Variants in SLC45A4 observed in about 807,000 individuals in gnomAD.
The protein encoded by SLC45A4 is polyamine-transporter SLC45A4.
Under a neutral mutation model 63.7 loss-of-function variants are expected in SLC45A4, and 32 were observed. That is an observed-to-expected ratio of 0.50 (90% CI 0.38 to 0.67). SLC45A4 has a LOEUF of 0.67. Ranked by LOEUF, SLC45A4 falls within the 30% of genes least tolerant of loss-of-function variation. The probability of loss-of-function intolerance (pLI) is 0.00; values close to 1 mark genes in which losing one functional copy is unlikely to be tolerated. For missense variants in SLC45A4, 1,027 were observed against 1,157.7 expected, an observed-to-expected ratio of 0.89 and a Z score of 1.64; for synonymous variants, 535 against 510.0, an observed-to-expected ratio of 1.05 and a Z score of -0.66.
chr8:141,300,329 C>A (rs763107392), intron 1 of SLC45A4, among the ~76,000 whole-genome samples: 1 of 152,190 alleles, frequency 6.6e-6, no homozygotes, highest in Non-Finnish European at 1.5e-5. Context: ...CAGTCCTCAG[C>A]GTGCTGTTTC....
chr8:141,212,642 G>A, intron 7 of SLC45A4, 86 bp from the exon 8 acceptor site: 1 of 1,435,498 alleles, frequency 7.0e-7, no homozygotes, highest in Non-Finnish European at 9.2e-7. Context: ...TAACCCACAA[G>A]CCTGGAAACA....
At chr8:141,242,108 G>A (rs1404832998) in intron 2 of SLC45A4, among the ~76,000 whole-genome samples, 1 of 152,198 alleles carries the variant, frequency 6.6e-6, no homozygotes, top group African/African-American at 2.4e-5. Flanking sequence ...CGCCAAGTGT[G>A]GCCATCATTA....
At chr8:141,216,750 G>C (rs531710934) in intron 6 of SLC45A4, among the ~76,000 whole-genome samples, 3 of 152,306 alleles carry the variant, frequency 2.0e-5, no homozygotes, top group African/African-American at 7.2e-5. Context: ...CCACTGCTCT[G>C]ATCATCAGGC....
intron 1 of SLC45A4, among the ~76,000 whole-genome samples, chr8:141,287,108 G>A (rs1355695609): frequency 1.3e-5 from 2 of 152,094 alleles, no homozygotes; most frequent in African/African-American, 2.4e-5. Flanking sequence ...AGCACTTCCC[G>A]GTTCCTTCCA....
At chr8:141,252,033 T>C (rs746763976) in intron 2 of SLC45A4, among the ~76,000 whole-genome samples, 15 of 147,584 alleles carry the variant, frequency 1.0e-4, no homozygotes, top group Admixed American at 2.1e-4. Flanking sequence ...CACTTTATTA[T>C]GTTTGTATCA....
intron 1 of SLC45A4, among the ~76,000 whole-genome samples, chr8:141,300,976 G>GC (rs1431503297): frequency 6.6e-6 from 1 of 152,216 alleles, no homozygotes; most frequent in Non-Finnish European, 1.5e-5. Context: ...AGCGCCCCGT[G>GC]CAAACACAGG....
intron 1 of SLC45A4, among the ~76,000 whole-genome samples, chr8:141,288,089 A>G (rs1372408092): frequency 6.6e-6 from 1 of 152,048 alleles, no homozygotes; most frequent in Non-Finnish European, 1.5e-5. Context: ...ACGTGGGAGG[A>G]TCGCTTGAGT....
chr8:141,275,327 C>CA (rs896785232), intron 1 of SLC45A4, among the ~76,000 whole-genome samples: 1 of 152,154 alleles, frequency 6.6e-6, no homozygotes, highest in African/African-American at 2.4e-5. Context: ...CCGAAGTCAA[C>CA]AAAAATGACT....
chr8:141,282,386 C>T (rs1829987086), intron 1 of SLC45A4, among the ~76,000 whole-genome samples: 1 of 152,172 alleles, frequency 6.6e-6, no homozygotes, highest in African/African-American at 2.4e-5. Context: ...GGCAGCTGCA[C>T]AAACTTAAGC....
chr8:141,305,134 A>G (rs1830860923), intron 1 of SLC45A4, among the ~76,000 whole-genome samples: 1 of 152,176 alleles, frequency 6.6e-6, no homozygotes, highest in Non-Finnish European at 1.5e-5. Flanking sequence ...TACTCGGGGG[A>G]AAAGGCCACT....
chr8:141,257,965 T>C (rs548343713), intron 1 of SLC45A4, among the ~76,000 whole-genome samples: 1 of 152,144 alleles, frequency 6.6e-6, no homozygotes, highest in East Asian at 1.9e-4. Flanking sequence ...GACCAGACAC[T>C]GAAGCTTTCT....
At chr8:141,219,509 A>T in intron 4 of SLC45A4, 141 bp downstream of exon 4, 1 of 1,081,406 alleles carries the variant, frequency 9.2e-7, no homozygotes, top group Non-Finnish European at 1.3e-6. Flanking sequence ...GTTACCTTCC[A>T]GCCCTAAGAC....
intron 1 of SLC45A4, among the ~76,000 whole-genome samples, chr8:141,283,101 T>TTTTATGA (rs1250603834): frequency 6.6e-6 from 1 of 152,234 alleles, no homozygotes; most frequent in African/African-American, 2.4e-5. Flanking sequence ...ATGTTTGTGA[T>TTTTATGA]TTTATGATTT....
intron 2 of SLC45A4, among the ~76,000 whole-genome samples, chr8:141,234,174 C>T (rs530685870): frequency 1.3e-5 from 2 of 152,358 alleles, no homozygotes; most frequent in African/African-American, 2.4e-5. Flanking sequence ...ATTCACATCT[C>T]GTCCCTCGGA....
intron 1 of SLC45A4, among the ~76,000 whole-genome samples, chr8:141,271,324 C>G (rs980567866): frequency 2.6e-5 from 4 of 152,230 alleles, no homozygotes; most frequent in African/African-American, 7.2e-5. Flanking sequence ...GCTCTCCTGG[C>G]TGGCACCACA....
chr8:141,253,907 T>TGC (rs1828642976), intron 2 of SLC45A4, 82 bp downstream of exon 2: 8 of 1,503,698 alleles, frequency 5.3e-6, no homozygotes, highest in Non-Finnish European at 7.1e-6. Flanking sequence ...CACCATCCTC[T>TGC]GCCTCCAGAG....
At chr8:141,282,492 G>A (rs567063235) in intron 1 of SLC45A4, among the ~76,000 whole-genome samples, 63 of 152,172 alleles carry the variant, frequency 4.1e-4, no homozygotes, top group Non-Finnish European at 7.5e-4. Context: ...CCAGGCCGCC[G>A]CTCAGGGCAC....
intron 1 of SLC45A4, among the ~76,000 whole-genome samples, chr8:141,269,510 G>A (rs1231865589): frequency 2.6e-5 from 4 of 151,378 alleles, no homozygotes; most frequent in Non-Finnish European, 5.9e-5. Context: ...TGTGTCGCGT[G>A]TGTGTATCGA....
intron 2 of SLC45A4, chr8:141,224,556 T>C (rs1393861913): frequency 1.3e-5 from 2 of 152,278 alleles, no homozygotes; most frequent in Non-Finnish European, 2.9e-5. Context: ...ATTCAAGCAA[T>C]TCTTGTGCCT....
Sources: gnomAD v4.1 joint callset for allele counts (sites outside exome capture counted in the v4.1 genomes callset) on GRCh38, gnomAD v4.1.1 for gene constraint, MANE v1.5 for transcripts, NCBI Gene and HGNC (gene_info 2026-07-23, HGNC 2026-07-21) for gene names.